The following LRFN2 variants were observed in gnomAD, a reference collection of about 807,000 sequenced individuals.
The protein encoded by LRFN2 is leucine-rich repeat and fibronectin type-III domain-containing protein 2.
In LRFN2, 18 loss-of-function variants were observed where a neutral mutation model predicts 37.3. That is an observed-to-expected ratio of 0.48 (90% CI 0.33 to 0.72). The LOEUF is 0.72. LRFN2 is among the 30% of genes least tolerant of loss of function. The pLI, the probability that LRFN2 is intolerant of heterozygous loss-of-function variation, is 0.02. For missense variants in LRFN2, 1,006 were observed against 1,060.7 expected, an observed-to-expected ratio of 0.95 and a Z score of 0.72; for synonymous variants, 556 against 466.6, an observed-to-expected ratio of 1.19 and a Z score of -2.47.
At chr6:40,522,636 A>C (rs2113901909) in intron 1 of LRFN2, among the ~76,000 whole-genome samples, 1 of 152,258 alleles carries the variant, frequency 6.6e-6, no homozygotes, top group East Asian at 1.9e-4. Context: ...GGGACCGTAT[A>C]AATTTTGCTG....
At chr6:40,559,312 A>C (rs1227536611) in intron 1 of LRFN2, among the ~76,000 whole-genome samples, 1 of 152,160 alleles carries the variant, frequency 6.6e-6, no homozygotes, top group African/African-American at 2.4e-5. Context: ...CCACACTGAG[A>C]TACTCAGTCT....
At chr6:40,541,965 C>T (rs764881074) in intron 1 of LRFN2, among the ~76,000 whole-genome samples, 9 of 152,242 alleles carry the variant, frequency 5.9e-5, no homozygotes, top group South Asian at 2.1e-4. Flanking sequence ...CAGAGGCACA[C>T]GTGGCAGTGC....
chr6:40,552,015 G>T (rs140780305), intron 1 of LRFN2, among the ~76,000 whole-genome samples: 1 of 152,052 alleles, frequency 6.6e-6, no homozygotes, highest in Non-Finnish European at 1.5e-5. Context: ...CAAAATCCTC[G>T]TGTGTTATAC....
intron 1 of LRFN2, among the ~76,000 whole-genome samples, chr6:40,505,725 T>C (rs1460611851): frequency 6.6e-6 from 1 of 152,134 alleles, no homozygotes; most frequent in Non-Finnish European, 1.5e-5. Flanking sequence ...TCAGTGGAGT[T>C]GGCTGTGGGA....
rs387105 is a variant in LRFN2, at chr6:40,523,316, T to G, written c.-19+63625A>C. Among the ~76,000 whole-genome samples the G allele has an allele frequency of 2.1e-3, 321 of 152,144 alleles. 2 individuals are homozygous for G. Among genetic ancestry groups the G allele is most frequent in the African/African-American group, 7.4e-3 (308 of 41,504 alleles). ...TCTTGCAGACAGGCCCCTTGATGCA[T>G]CGCCCACCTAACTCAGCAAGAGTGG... On this transcript the variant is annotated intron_variant, in intron 1 of 2. Coordinates refer to ENST00000338305, the MANE Select transcript of LRFN2 (RefSeq NM_020737.3).
At chr6:40,412,488 G>T (rs564307656) in intron 2 of LRFN2, among the ~76,000 whole-genome samples, 1 of 152,190 alleles carries the variant, frequency 6.6e-6, no homozygotes, top group African/African-American at 2.4e-5. Context: ...GGGTATGAGA[G>T]TCGCTCAGAC....
intron 1 of LRFN2, among the ~76,000 whole-genome samples, chr6:40,505,042 C>T (rs143556318): frequency 4.6e-5 from 7 of 152,308 alleles, no homozygotes; most frequent in Non-Finnish European, 7.3e-5. Flanking sequence ...GTGAAGACTA[C>T]GAGCCTAGAT....
Position 40,392,499 on chromosome 6 carries a change from C to T in LRFN2, c.1814G>A (p.Arg605His), listed in dbSNP as rs968525802. The part of the protein sequence containing the change: ...PPQGPPKVVV[R>H]NELLDFTASL... ...GGCGGTGAAGTCCAGGAGCTCGTTG[C>T]GCACCACCACCTTCGGCGGGCCCTG... is the stretch of plus-strand genomic sequence containing the variant. Residue 605 changes from arginine (R) to histidine (H), a missense_variant, in exon 3 of 3, where the codon CGC (arginine) becomes CAC (histidine). Coordinates refer to ENST00000338305, the MANE Select transcript of LRFN2 (RefSeq NM_020737.3). The surrounding 1 kb of genome is among the most constrained non-coding windows in gnomAD (Gnocchi z 4.7). 8 of 1,582,798 alleles carry T rather than the reference C, an allele frequency of 5.1e-6. No individual in the cohort carries two copies. In the Admixed American group the frequency reaches 5.4e-5, roughly 11 times the overall value.
rs534792300 is a variant in LRFN2 at position 40,392,528 on chromosome 6, C to G, written c.1785G>C (p.Pro595=). Residue 595 remains proline, a synonymous_variant, in exon 3 of 3, where the codon CCG becomes CCC. Coordinates refer to ENST00000338305, the MANE Select transcript of LRFN2 (RefSeq NM_020737.3). This position sits in a 1 kb window ranked among gnomAD's most constrained non-coding sequence, Gnocchi z 4.7. ...PPPSSAPAGA[P]PQGPPKVVVR... Reference sequence around the variant, plus strand: ...CCACCACCTTCGGCGGGCCCTGCGGCGGGGCCCCGGCTGGTGCGCTGCTTG... The same window carrying G: ...CCACCACCTTCGGCGGGCCCTGCGGGGGGGCCCCGGCTGGTGCGCTGCTTG... 6.4e-7 allele frequency: 1 copy of G among 1,567,288 alleles called. No individual in the cohort carries two copies. Among genetic ancestry groups the G allele is most frequent in the Non-Finnish European group, 8.6e-7 (1 of 1,158,948 alleles).
chr6:40,475,645 C>T lies in LRFN2; in HGVS notation c.-18-42514G>A, dbSNP rs185461508. On this transcript the variant is annotated intron_variant, in intron 1 of 2. Coordinates refer to ENST00000338305, the MANE Select transcript of LRFN2 (RefSeq NM_020737.3). ...GGAGCCCTCATCCCTTCCCCTAAAA[C>T]TAAGCTCTTCTCACAGCTGCTTTTA... is the stretch of plus-strand genomic sequence containing the variant. Among the ~76,000 whole-genome samples, 253 of 152,300 alleles carry T rather than the reference C, an allele frequency of 1.7e-3. 1 individual carries two copies. The highest frequency in any genetic ancestry group is 2.4e-3 in the Admixed American group (36 of 15,306).
intron 1 of LRFN2, among the ~76,000 whole-genome samples, chr6:40,559,009 C>A (rs1766942778): frequency 1.3e-5 from 2 of 152,026 alleles, no homozygotes; most frequent in African/African-American, 4.8e-5. Flanking sequence ...CCCCAGGTGT[C>A]CCAAAGAAGT....
At chr6:40,470,286 G>C (rs1462438192) in intron 1 of LRFN2, among the ~76,000 whole-genome samples, 1 of 152,204 alleles carries the variant, frequency 6.6e-6, no homozygotes, top group Non-Finnish European at 1.5e-5. Flanking sequence ...CAGAGAAATG[G>C]AGCCAAGTGT....
chr6:40,573,157 A>C (rs1444282067), intron 1 of LRFN2, among the ~76,000 whole-genome samples: 1 of 152,198 alleles, frequency 6.6e-6, no homozygotes, highest in Non-Finnish European at 1.5e-5. Context: ...GTGTGACCTT[A>C]GCTTAGGAAT....
chr6:40,461,696 G>A (rs536561489), intron 1 of LRFN2, among the ~76,000 whole-genome samples: 2 of 146,902 alleles, frequency 1.4e-5, no homozygotes, highest in South Asian at 4.4e-4. Flanking sequence ...AAGTGCTAAG[G>A]AGAAAAAATA....
intron 1 of LRFN2, among the ~76,000 whole-genome samples, chr6:40,543,525 C>G (rs9462636): frequency 0.45 from 68,773 of 152,034 alleles, 16,597 homozygotes; most frequent in African/African-American, 0.62. Flanking sequence ...ACTCACCTAG[C>G]GAAACAAGCT....
chr6:40,413,314 C>G (rs537841470), intron 2 of LRFN2, among the ~76,000 whole-genome samples: 11 of 152,342 alleles, frequency 7.2e-5, no homozygotes, highest in African/African-American at 2.6e-4. Context: ...GTCCCCACAC[C>G]AGGGAATCCC....
At chr6:40,426,514 A>G (rs1183679709) in intron 2 of LRFN2, among the ~76,000 whole-genome samples, 1 of 152,234 alleles carries the variant, frequency 6.6e-6, no homozygotes, top group Non-Finnish European at 1.5e-5. Flanking sequence ...CATGCTAGCG[A>G]GAGGAAGATA....
chr6:40,509,893 G>A (rs548912330), intron 1 of LRFN2, among the ~76,000 whole-genome samples: 1 of 148,784 alleles, frequency 6.7e-6, no homozygotes, highest in African/African-American at 2.5e-5. Flanking sequence ...CGTAGGTAGT[G>A]GGGGTGAGTG....
intron 1 of LRFN2, among the ~76,000 whole-genome samples, chr6:40,515,985 T>C (rs1332028988): frequency 3.3e-5 from 5 of 151,986 alleles, no homozygotes; most frequent in Non-Finnish European, 7.4e-5. Context: ...GGTGGTCCCA[T>C]TCTGAGGCTT....
Sources: gnomAD v4.1 joint callset for allele counts (sites outside exome capture counted in the v4.1 genomes callset) on GRCh38, gnomAD v4.1.1 for gene constraint, Gnocchi (gnomAD v3.1) non-coding constraint, MANE v1.5 for transcripts, NCBI Gene and HGNC (gene_info 2026-07-23, HGNC 2026-07-21) for gene names.